PPFIA2: variants seen among roughly 807,000 people sequenced by gnomAD.
The protein encoded by PPFIA2 is PPFI scaffold protein A2.
A neutral mutation model predicts 175.5 loss-of-function variants in PPFIA2; 46 were observed. The ratio of observed to expected loss-of-function variants is 0.26; its 90% confidence interval spans 0.21 to 0.34. PPFIA2 has a LOEUF of 0.34. PPFIA2 is among the 10% of genes least tolerant of loss of function. The pLI, the probability that PPFIA2 is intolerant of heterozygous loss-of-function variation, is 1.00. For synonymous variants in PPFIA2, 568 were observed against 511.4 expected, an observed-to-expected ratio of 1.11 and a Z score of -1.49; for missense variants, 1,179 against 1,506.1, an observed-to-expected ratio of 0.78 and a Z score of 3.60.
chr12:81,636,598 G>C (rs1030158206), intron 4 of PPFIA2, among the ~76,000 whole-genome samples: 5 of 151,220 alleles, frequency 3.3e-5, no homozygotes, highest in African/African-American at 1.2e-4. Flanking sequence ...AAAAGTAAAG[G>C]AAAAGAGACA....
chr12:81,554,923 C>A lies in PPFIA2; in HGVS notation c.304-97057G>T, dbSNP rs1594878364. On this transcript the variant is annotated intron_variant, in intron 4 of 32. Coordinates refer to ENST00000549396, the MANE Select transcript of PPFIA2 (RefSeq NM_003625.5). ...ACTCTCAGTAACAGAGATGAGTCAACCTTCTAATAAGTATTGGTCTTCTCT... is the reference window on the plus strand; with the variant it reads ...ACTCTCAGTAACAGAGATGAGTCAAACTTCTAATAAGTATTGGTCTTCTCT... 3.9e-5 allele frequency among the ~76,000 whole-genome samples: 6 copies of A among 151,962 alleles called. No individual in the cohort carries two copies. The South Asian group carries it at 1.0e-3, about 26-fold the overall frequency.
intron 4 of PPFIA2, among the ~76,000 whole-genome samples, chr12:81,623,377 T>C (rs1482188954): frequency 2.0e-5 from 3 of 151,972 alleles, no homozygotes; most frequent in Admixed American, 6.6e-5. Flanking sequence ...TACAAACTGG[T>C]ATTAATAGTG....
chr12:81,491,199 G>C (rs1364120403), intron 4 of PPFIA2, among the ~76,000 whole-genome samples: 1 of 130,794 alleles, frequency 7.6e-6, no homozygotes, highest in East Asian at 2.3e-4. Context: ...AATGTTTCTG[G>C]AATTACTTTT....
intron 4 of PPFIA2, among the ~76,000 whole-genome samples, chr12:81,487,601 A>G (rs1382239578): frequency 6.6e-6 from 1 of 151,766 alleles, no homozygotes; most frequent in Non-Finnish European, 1.5e-5. Context: ...CTGCCAATCT[A>G]TAGGTACCGA....
intron 28 of PPFIA2, among the ~76,000 whole-genome samples, chr12:81,276,126 C>G (rs771143739): frequency 6.6e-6 from 1 of 151,176 alleles, no homozygotes; most frequent in Non-Finnish European, 1.5e-5. Flanking sequence ...TTATTTTTAG[C>G]AAAAAAAAGC....
intron 4 of PPFIA2, among the ~76,000 whole-genome samples, chr12:81,614,189 A>T (rs1167122512): frequency 6.6e-6 from 1 of 152,142 alleles, no homozygotes; most frequent in Non-Finnish European, 1.5e-5. Context: ...CAGTATGCTA[A>T]TCCCCCTGCA....
intron 4 of PPFIA2, among the ~76,000 whole-genome samples, chr12:81,522,647 T>C (rs2063291719): frequency 6.6e-6 from 1 of 152,194 alleles, no homozygotes; most frequent in African/African-American, 2.4e-5. Context: ...ACTAATATTT[T>C]GTGCTTCATT....
chr12:81,560,714 A>G (rs1363309333), intron 4 of PPFIA2, among the ~76,000 whole-genome samples: 3 of 152,140 alleles, frequency 2.0e-5, no homozygotes, highest in African/African-American at 7.2e-5. Flanking sequence ...AACACAGAAA[A>G]GCATGGAATA....
chr12:81,435,482 A>G (rs2048809513), intron 7 of PPFIA2, among the ~76,000 whole-genome samples: 2 of 152,126 alleles, frequency 1.3e-5, no homozygotes, highest in South Asian at 4.1e-4. Flanking sequence ...TGAGCGATCA[A>G]TGAAAGAGAT....
chr12:81,338,904 CTG>C (rs1327776723), intron 21 of PPFIA2, among the ~76,000 whole-genome samples: 2 of 152,094 alleles, frequency 1.3e-5, no homozygotes, highest in Non-Finnish European at 2.9e-5. Flanking sequence ...TTGTAGGCAA[CTG>C]TGCCTGTCAC....
At chr12:81,599,820 G>A (rs1330462066) in intron 4 of PPFIA2, among the ~76,000 whole-genome samples, 2 of 151,878 alleles carry the variant, frequency 1.3e-5, no homozygotes, top group African/African-American at 4.8e-5. Flanking sequence ...ATGGTCTGGA[G>A]AGGAACTGGC....
chr12:81,373,981 T>C (rs1198699405), intron 11 of PPFIA2, among the ~76,000 whole-genome samples: 2 of 152,096 alleles, frequency 1.3e-5, no homozygotes, highest in Admixed American at 1.3e-4. Context: ...AATGATGCCA[T>C]TTCCGTTTGA....
chr12:81,420,661 A>G (rs950855723), intron 7 of PPFIA2, among the ~76,000 whole-genome samples: 1 of 152,044 alleles, frequency 6.6e-6, no homozygotes, highest in Non-Finnish European at 1.5e-5. Flanking sequence ...AAAGCCTATC[A>G]TATCTATGGA....
chr12:81,437,226 C>T (rs2049223900), intron 7 of PPFIA2, among the ~76,000 whole-genome samples: 1 of 152,066 alleles, frequency 6.6e-6, no homozygotes, highest in African/African-American at 2.4e-5. Flanking sequence ...ATTCCTGGAG[C>T]AAATTTTCAG....
chr12:81,595,662 A>C (rs1369654358), intron 4 of PPFIA2, among the ~76,000 whole-genome samples: 1 of 152,174 alleles, frequency 6.6e-6, no homozygotes, highest in Non-Finnish European at 1.5e-5. Context: ...TGTCTAAATT[A>C]AAGATGCAAT....
intron 4 of PPFIA2, among the ~76,000 whole-genome samples, chr12:81,580,928 A>C (rs1254291443): frequency 6.6e-6 from 1 of 151,892 alleles, no homozygotes; most frequent in Non-Finnish European, 1.5e-5. Flanking sequence ...TAATTAAATC[A>C]GATATGTGGT....
intron 4 of PPFIA2, among the ~76,000 whole-genome samples, chr12:81,642,844 CAT>C (rs1491174662): frequency 7.6e-6 from 1 of 132,158 alleles, no homozygotes; most frequent in Non-Finnish European, 1.6e-5. Context: ...GTATTACATA[CAT>C]ATATAACATG....
chr12:81,330,072 T>C (rs1042712031), intron 21 of PPFIA2, among the ~76,000 whole-genome samples: 4 of 152,122 alleles, frequency 2.6e-5, no homozygotes, highest in African/African-American at 9.7e-5. Context: ...TTCATTTGGA[T>C]TGTGAAGGTG....
intron 4 of PPFIA2, among the ~76,000 whole-genome samples, chr12:81,559,276 C>T (rs1367962174): frequency 6.6e-6 from 1 of 152,172 alleles, no homozygotes; most frequent in Non-Finnish European, 1.5e-5. Flanking sequence ...GTGGTAGAAA[C>T]AGCGTGTGCA....
Sources: allele counts gnomAD v4.1 joint callset (sites outside exome capture counted in the v4.1 genomes callset), GRCh38; gene constraint gnomAD v4.1.1; transcripts MANE v1.5; gene names NCBI Gene and HGNC (gene_info 2026-07-23, HGNC 2026-07-21).